The following DES variants were observed in gnomAD, a reference collection of about 807,000 sequenced individuals.
The protein encoded by DES is desmin, also known as cardiomyopathy, dilated 1F (autosomal dominant).
A neutral mutation model predicts 55.1 loss-of-function variants in DES; 34 were observed. The observed-to-expected ratio is 0.62, with a 90% CI of 0.47 to 0.82. DES has a LOEUF of 0.82. DES is among the 40% of genes least tolerant of loss of function. DES has a pLI of 0.00. For missense variants in DES, 596 were observed against 645.9 expected, an observed-to-expected ratio of 0.92 and a Z score of 0.84; for synonymous variants, 259 against 270.8, an observed-to-expected ratio of 0.96 and a Z score of 0.43.
Position 219,420,975 on chromosome 2 carries a change from C to T in DES, c.1023+22C>T. On this transcript the variant is annotated intron_variant, in intron 5 of 8. Transcript: ENST00000373960. The surrounding 1 kb of genome is among the most constrained non-coding windows in gnomAD (Gnocchi z 6.0). Reference sequence around the variant, plus strand: ...CACTGTGAGTCCCTGCCCACCTGGCCAGGCCCTGCCCCTTCCTGTCTGCAG... The same window carrying T: ...CACTGTGAGTCCCTGCCCACCTGGCTAGGCCCTGCCCCTTCCTGTCTGCAG... The T allele has an allele frequency of 6.2e-7, 1 of 1,610,812 alleles. No homozygotes were observed. The highest frequency in any genetic ancestry group is 8.5e-7 in the Non-Finnish European group (1 of 1,178,908).
rs1215699628 is a variant in DES at position 219,420,005 on chromosome 2, G to A, written c.579-90G>A. On this transcript the variant is annotated intron_variant, in intron 1 of 8. Transcript: ENST00000373960. This position sits in a 1 kb window ranked among gnomAD's most constrained non-coding sequence, Gnocchi z 6.0. ...CAGCCAGGCCCTCCCGCTCTGTCCT[G>A]GACCCACCCCCTGGTCAGCCCCCGG... 5.7e-6 allele frequency: 8 copies of A among 1,415,016 alleles called. No individual in the cohort carries two copies. In the African/African-American group the frequency reaches 1.1e-4, roughly 20 times the overall value. 87.7% of individuals were successfully genotyped at this position (1,415,016 alleles called of 1,614,324 possible). A position where few individuals can be genotyped will look rare whatever the true frequency, so the allele number is the denominator to read the frequency against.
At chr2:219,422,475 T>TTTTTTTTTTC (rs1396029365) in intron 6 of DES, among the ~76,000 whole-genome samples, 15 of 141,570 alleles carry the variant, frequency 1.1e-4, no homozygotes, top group Non-Finnish European at 1.8e-4. Context: ...TTTTTTTTTT[T>TTTTTTTTTTC]TTTTTTTGAG....
At chr2:219,421,598 G>A in intron 6 of DES, 38 bp downstream of exon 6, 1 of 1,591,150 alleles carries the variant, frequency 6.3e-7, no homozygotes, top group South Asian at 1.1e-5. Flanking sequence ...GGAGGTGCGG[G>A]GTGCTGGGTG....
Position 219,420,151 on chromosome 2 carries a change from G to A in DES, c.635G>A (p.Arg212Gln), listed in dbSNP as rs144261171. Reference sequence around the variant, plus strand: ...GCAGAGAACAATTTGGCTGCCTTCCGAGCGGTGAGTGCCCTTCTTTTCCCC... The same window carrying A: ...GCAGAGAACAATTTGGCTGCCTTCCAAGCGGTGAGTGCCCTTCTTTTCCCC... ...EEAENNLAAFRADVDAATLAR... is the reference protein window; with the variant it reads ...EEAENNLAAFQADVDAATLAR... The change falls in exon 2 of 9, where the codon CGA (arginine) becomes CAA (glutamine). Residue 212 changes from arginine (R) to glutamine (Q), a missense_variant. Transcript: ENST00000373960. This position sits in a 1 kb window ranked among gnomAD's most constrained non-coding sequence, Gnocchi z 6.0. 388 of 1,614,220 alleles carry A rather than the reference G, an allele frequency of 2.4e-4. 1 individual carries two copies. Among genetic ancestry groups the A allele is most frequent in the Admixed American group, 4.0e-4 (24 of 60,030 alleles).
intron 6 of DES, among the ~76,000 whole-genome samples, 188 bp from the exon 7 acceptor site, chr2:219,423,589 G>A (rs528108437): frequency 3.9e-5 from 6 of 151,976 alleles, no homozygotes; most frequent in African/African-American, 9.6e-5. Flanking sequence ...ACAGGTGCCC[G>A]CCACCATGCC....
rs759306707 is a variant in DES, at chr2:219,418,520, G to A, written c.58G>A (p.Gly20Arg). Residue 20 changes from glycine to arginine, a missense_variant, in exon 1 of 9, where the codon GGG becomes AGG. By Grantham distance (125) the Gly-to-Arg change is moderately radical (BLOSUM62 -2). Coordinates refer to ENST00000373960, the MANE Select transcript of DES (RefSeq NM_001927.4). ...GTCCTCCTACCGCCGCACCTTCGGC[G>A]GGGCCCCGGGCTTCCCACTCGGCTC... The part of the protein sequence containing the change: ...RVSSYRRTFG[G>R]APGFPLGSPL... 1.9e-6 allele frequency: 3 copies of A among 1,603,044 alleles called. No individual in the cohort carries two copies. Among genetic ancestry groups the A allele is most frequent in the Non-Finnish European group, 1.7e-6 (2 of 1,176,448 alleles).
rs1559354540 is a variant in DES at position 219,426,184 on chromosome 2, C to T, written c.*194C>T. The T allele has an allele frequency of 2.9e-6, 2 of 701,652 alleles. No homozygotes were observed. Among genetic ancestry groups the T allele is most frequent in the Non-Finnish European group, 5.1e-6 (2 of 395,886 alleles). 43.5% of individuals were successfully genotyped at this position (701,652 alleles called of 1,614,324 possible). A position where few individuals can be genotyped will look rare whatever the true frequency, so the allele number is the denominator to read the frequency against. On this transcript the variant is annotated 3_prime_UTR_variant, in exon 9 of 9. Coordinates refer to ENST00000373960, the MANE Select transcript of DES (RefSeq NM_001927.4). The surrounding 1 kb of genome is among the most constrained non-coding windows in gnomAD (Gnocchi z 4.5). ...CATCCCTGCCTGGTCACAGGGCATGCCCCGGCCACCTCTGCGGACCCCAGC... is the reference window on the plus strand; with the variant it reads ...CATCCCTGCCTGGTCACAGGGCATGTCCCGGCCACCTCTGCGGACCCCAGC...
intron 7 of DES, 66 bp downstream of exon 7, chr2:219,423,886 C>A: frequency 5.1e-6 from 8 of 1,556,140 alleles, no homozygotes; most frequent in Non-Finnish European, 7.1e-6. Flanking sequence ...GGGCACTGCC[C>A]AAGGCCAGCC....
chr2:219,418,780 C>T lies in DES; in HGVS notation c.318C>T (p.Thr106=). 2 of 1,565,128 alleles carry T rather than the reference C, an allele frequency of 1.3e-6. No homozygotes were observed. Among genetic ancestry groups the T allele is most frequent in the Non-Finnish European group, 1.7e-6 (2 of 1,154,150 alleles). The change falls in exon 1 of 9, where the codon ACC becomes ACT. Residue 106 remains threonine (T), a synonymous_variant. Coordinates refer to ENST00000373960, the MANE Select transcript of DES (RefSeq NM_001927.4). The part of the protein sequence containing the change: ...AVNQEFLTTR[T]NEKVELQELN... Reference sequence around the variant, plus strand: ...ACCAGGAGTTTCTGACCACGCGCACCAACGAGAAGGTGGAGCTGCAGGAGC... The same window carrying T: ...ACCAGGAGTTTCTGACCACGCGCACTAACGAGAAGGTGGAGCTGCAGGAGC...
chr2:219,420,026 C>G lies in DES; in HGVS notation c.579-69C>G. 6.4e-7 allele frequency: 1 copy of G among 1,567,154 alleles called. No individual in the cohort carries two copies. The highest frequency in any genetic ancestry group is 8.8e-7 in the Non-Finnish European group (1 of 1,137,896). On this transcript the variant is annotated intron_variant, in intron 1 of 8. Coordinates refer to ENST00000373960, the MANE Select transcript of DES (RefSeq NM_001927.4). This position sits in a 1 kb window ranked among gnomAD's most constrained non-coding sequence, Gnocchi z 6.0. Reference sequence around the variant, plus strand: ...TCCTGGACCCACCCCCTGGTCAGCCCCCGGCCAGTCGTTTCCACTGCCAGC... The same window carrying G: ...TCCTGGACCCACCCCCTGGTCAGCCGCCGGCCAGTCGTTTCCACTGCCAGC...
chr2:219,425,579 A>G (rs1443713756), intron 7 of DES, 84 bp from the exon 8 acceptor site: 24 of 1,228,502 alleles, frequency 2.0e-5, no homozygotes, highest in East Asian at 1.8e-4. Context: ...GCTCTGCCCA[A>G]TGTGGCCCCA....
chr2:219,420,046 G>A lies in DES; in HGVS notation c.579-49G>A. 1.2e-6 allele frequency: 2 copies of A among 1,609,128 alleles called. No homozygotes were observed. Among genetic ancestry groups the A allele is most frequent in the East Asian group, 2.2e-5 (1 of 44,830 alleles). On this transcript the variant is annotated intron_variant, in intron 1 of 8. Transcript: ENST00000373960. This position sits in a 1 kb window ranked among gnomAD's most constrained non-coding sequence, Gnocchi z 6.0. Reference sequence around the variant, plus strand: ...CAGCCCCCGGCCAGTCGTTTCCACTGCCAGCTTTATCACCCGCAACTGTCT... The same window carrying A: ...CAGCCCCCGGCCAGTCGTTTCCACTACCAGCTTTATCACCCGCAACTGTCT...
At chr2:219,423,190 A>C (rs1206143564) in intron 6 of DES, among the ~76,000 whole-genome samples, 1 of 152,182 alleles carries the variant, frequency 6.6e-6, no homozygotes, top group Non-Finnish European at 1.5e-5. Flanking sequence ...AGCAAGAAGG[A>C]AATCCTGGTG....
rs1270227954 is a variant in DES, at chr2:219,426,012, A to G, written c.*22A>G. On this transcript the variant is annotated 3_prime_UTR_variant, in exon 9 of 9. Coordinates refer to ENST00000373960, the MANE Select transcript of DES (RefSeq NM_001927.4). This position sits in a 1 kb window ranked among gnomAD's most constrained non-coding sequence, Gnocchi z 4.5. ...CTAAAGACAGAGACCCTCTGCCACC[A>G]GAGACCGTCCTCACCCCTGTCCTCA... 3 of 1,613,870 alleles carry G rather than the reference A, an allele frequency of 1.9e-6. No homozygotes were observed. The highest frequency in any genetic ancestry group is 2.2e-5 in the East Asian group (1 of 44,880).
Position 219,418,512 on chromosome 2 carries a change from CCTT to C in DES, c.52_54del (p.Phe18del). 6.2e-7 allele frequency: 1 copy of C among 1,603,730 alleles called. No homozygotes were observed. The highest frequency in any genetic ancestry group is 8.5e-7 in the Non-Finnish European group (1 of 1,176,874). On this transcript the variant is annotated inframe_deletion, in exon 1 of 9. Coordinates refer to ENST00000373960, the MANE Select transcript of DES (RefSeq NM_001927.4). ...CAGCGCGTGTCCTCCTACCGCCGCA[CCTT>C]CGGCGGGGCCCCGGGCTTCCCACTC...
intron 6 of DES, 42 bp downstream of exon 6, chr2:219,421,602 C>T (rs747961089): frequency 6.3e-7 from 1 of 1,584,978 alleles, no homozygotes; most frequent in Non-Finnish European, 8.6e-7. Flanking sequence ...GTGCGGGGTG[C>T]TGGGTGGTCC....
At chr2:219,422,928 C>T (rs1954471453) in intron 6 of DES, among the ~76,000 whole-genome samples, 1 of 152,158 alleles carries the variant, frequency 6.6e-6, no homozygotes, top group Non-Finnish European at 1.5e-5. Context: ...CCCCTTGATA[C>T]TCATAAAAAT....
chr2:219,419,528 G>C lies in DES; in HGVS notation c.578+488G>C, dbSNP rs1394646743. Among the ~76,000 whole-genome samples the C allele has an allele frequency of 6.6e-6, 1 of 152,088 alleles. No homozygotes were observed. Among genetic ancestry groups the C allele is most frequent in the South Asian group, 2.1e-4 (1 of 4,830 alleles). On this transcript the variant is annotated intron_variant, in intron 1 of 8. Transcript: ENST00000373960. This position sits in a 1 kb window ranked among gnomAD's most constrained non-coding sequence, Gnocchi z 4.3. ...GAGGCCCTGGGGGAGGTGGGGGGAG[G>C]GGGGAGCTTGGCCCTGGGGCCTTGC...
In DES at chr2:219,419,164, T is replaced by C. The variant is rs1437787947; in HGVS notation, c.578+124T>C. 1 of 1,502,556 alleles carries C rather than the reference T, an allele frequency of 6.7e-7. No individual in the cohort carries two copies. Among genetic ancestry groups the C allele is most frequent in the African/African-American group, 1.4e-5 (1 of 71,616 alleles). 93.1% of individuals were successfully genotyped at this position (1,502,556 alleles called of 1,614,324 possible). A position where few individuals can be genotyped will look rare whatever the true frequency, so the allele number is the denominator to read the frequency against. On this transcript the variant is annotated intron_variant, in intron 1 of 8. Coordinates refer to ENST00000373960, the MANE Select transcript of DES (RefSeq NM_001927.4). This position sits in a 1 kb window ranked among gnomAD's most constrained non-coding sequence, Gnocchi z 4.3. ...GGGCCCGGGACCCTCTCCTGCCCCA[T>C]GTGGAGAAAGGGTCCTCCACCTGTG...
Sources: allele counts gnomAD v4.1 joint callset (sites outside exome capture counted in the v4.1 genomes callset), GRCh38; gene constraint gnomAD v4.1.1; non-coding constraint Gnocchi (gnomAD v3.1); transcripts MANE v1.5; gene names NCBI Gene and HGNC (gene_info 2026-07-23, HGNC 2026-07-21).